NEXN: variants seen among roughly 807,000 people sequenced by gnomAD.
NEXN encodes nexilin F-actin binding protein, also known as nexilin.
A neutral mutation model predicts 92.6 loss-of-function variants in NEXN; 65 were observed. The ratio of observed to expected loss-of-function variants is 0.70; its 90% CI spans 0.57 to 0.86. The LOEUF is 0.86. Ranked by LOEUF, NEXN falls within the 40% of genes least tolerant of loss-of-function variation. The probability of loss-of-function intolerance (pLI) is 0.00; values close to 1 mark genes in which losing one functional copy is unlikely to be tolerated. For synonymous variants in NEXN, 254 were observed against 242.5 expected (o/e 1.05, Z -0.44); for missense variants, 778 against 771.1 (o/e 1.01, Z -0.11).
intron 1 of NEXN, among the ~76,000 whole-genome samples, chr1:77,895,029 A>ATTTTTTTT (rs559226754): frequency 5.7e-4 from 35 of 61,658 alleles, no homozygotes; most frequent in East Asian, 1.1e-3. Flanking sequence ...CTATAGTGTA[A>ATTTTTTTT]TTTTTTTTTT....
At chr1:77,938,478 G>A (rs1214552358) in intron 11 of NEXN, among the ~76,000 whole-genome samples, 2 of 151,380 alleles carry the variant, frequency 1.3e-5, no homozygotes, top group African/African-American at 2.4e-5. Context: ...GTGAAACCCC[G>A]TCTCTACTAA....
rs899549666 is a variant in NEXN at position 77,942,988 on chromosome 1, C to G, written c.*159C>G. 107 of 1,009,492 alleles carry G rather than the reference C, an allele frequency of 1.1e-4. 2 individuals carry two copies. In the South Asian group the frequency reaches 1.3e-3, roughly 13 times the overall value. The allele number at this position is 1,009,492 out of a possible 1,614,324, so 62.5% of individuals were successfully genotyped here. The stretch of plus-strand genomic sequence containing the variant: ...TACATCCATCTTTTCTGTGGCGGGG[C>G]CAAAAAAGGAAACCAGGAGTGCCAC... On this transcript the variant is annotated 3_prime_UTR_variant, in exon 13 of 13. Transcript: ENST00000334785.
chr1:77,904,634 G>A (rs540502099), intron 1 of NEXN, among the ~76,000 whole-genome samples: 38 of 152,270 alleles, frequency 2.5e-4, no homozygotes, highest in Non-Finnish European at 3.7e-4. Context: ...GGAAGGGAGC[G>A]TAGAGTCTAC....
intron 11 of NEXN, among the ~76,000 whole-genome samples, chr1:77,940,242 T>G (rs1483838510): frequency 6.6e-6 from 1 of 152,208 alleles, no homozygotes; most frequent in African/African-American, 2.4e-5. Flanking sequence ...GATTTTCCAA[T>G]AAAGTCTACT....
Position 77,929,500 on chromosome 1 carries a change from A to G in NEXN, c.1049A>G (p.Asn350Ser). ...EKKAFAEARR[N>S]MVVDDDSPEM... ...AAGGCGTTTGCTGAAGCAAGGAGAA[A>G]TATGGTAAGACAGAAGCTAACTGGA... is the stretch of plus-strand genomic sequence containing the variant. The change falls in exon 9 of 13, where the codon AAT becomes AGT. Residue 350 changes from asparagine (N) to serine (S), a missense_variant. By Grantham distance (46) the Asn-to-Ser change is conservative. Around this residue, in one of 3 missense-constraint regions of NEXN, gnomAD observed 532 missense variants for 476.7 expected, o/e 1.12. Coordinates refer to ENST00000334785, the MANE Select transcript of NEXN (RefSeq NM_144573.4). 1 of 1,612,324 alleles carries G rather than the reference A, an allele frequency of 6.2e-7. No homozygotes were observed. The highest frequency in any genetic ancestry group is 8.5e-7 in the Non-Finnish European group (1 of 1,179,848).
intron 5 of NEXN, among the ~76,000 whole-genome samples, chr1:77,920,619 T>TAAAA (rs66533373): frequency 1.5e-5 from 1 of 67,290 alleles, no homozygotes; most frequent in Admixed American, 2.0e-4. Flanking sequence ...CCCTGTCTCT[T>TAAAA]AAAAAAAAAA....
chr1:77,922,844 C>T (rs1483820054), intron 5 of NEXN, among the ~76,000 whole-genome samples: 2 of 152,032 alleles, frequency 1.3e-5, no homozygotes, highest in East Asian at 3.9e-4. Context: ...ATCCGCCCGC[C>T]TCGGCCTCCC....
chr1:77,924,429 A>G (rs879803307), intron 5 of NEXN, among the ~76,000 whole-genome samples: 4 of 152,012 alleles, frequency 2.6e-5, no homozygotes, highest in Admixed American at 2.6e-4. Flanking sequence ...TTTTTGCCCT[A>G]TATTTATGTT....
intron 1 of NEXN, among the ~76,000 whole-genome samples, chr1:77,898,094 T>C (rs1315710694): frequency 6.6e-6 from 1 of 151,654 alleles, no homozygotes; most frequent in Non-Finnish European, 1.5e-5. Flanking sequence ...CCCAAGGTAA[T>C]TTATAGATTC....
intron 1 of NEXN, among the ~76,000 whole-genome samples, chr1:77,894,637 TACCATGTTGCCCAGGCCTC>T (rs1647183393): frequency 6.6e-6 from 1 of 151,766 alleles, no homozygotes; most frequent in African/African-American, 2.4e-5. Context: ...GATGGGGTTT[TACCATGTTGCCCAGGCCTC>T]ACCCTCCTAA....
At chr1:77,899,100 T>G (rs1215357912) in intron 1 of NEXN, among the ~76,000 whole-genome samples, 3 of 152,154 alleles carry the variant, frequency 2.0e-5, no homozygotes, top group Non-Finnish European at 2.9e-5. Context: ...GTCAGTGTGG[T>G]GATTCCTCAG....
intron 1 of NEXN, among the ~76,000 whole-genome samples, chr1:77,910,758 A>AAC (rs1419753356): frequency 7.7e-5 from 9 of 117,274 alleles, no homozygotes; most frequent in African/African-American, 2.8e-4. Context: ...CAAAAAAAAA[A>AAC]AAAAAAAAAA....
At chr1:77,931,322 A>G (rs1443730519) in intron 9 of NEXN, among the ~76,000 whole-genome samples, 3 of 146,360 alleles carry the variant, frequency 2.0e-5, no homozygotes, top group Non-Finnish European at 4.5e-5. Context: ...CTGAGGCAGG[A>G]GAATCGCATG....
chr1:77,933,778 G>C (rs1650506314), intron 10 of NEXN, among the ~76,000 whole-genome samples: 1 of 151,952 alleles, frequency 6.6e-6, no homozygotes, highest in Non-Finnish European at 1.5e-5. Flanking sequence ...ATTATATATA[G>C]ACTATACAGT....
At position 77,942,803 on chromosome 1, in the gene NEXN, A is replaced by G. The variant is rs768404567; in HGVS notation, c.2002A>G (p.Ile668Val). Residue 668 changes from isoleucine to valine, a missense_variant, in exon 13 of 13, where the codon ATT becomes GTT. This residue lies in a region of NEXN where 532 missense variants were observed against 476.7 expected (regional missense o/e 1.12). Coordinates refer to ENST00000334785, the MANE Select transcript of NEXN (RefSeq NM_144573.4). ...TAAAGGATCTGCAGCTAGTACCTGT[A>G]TTCTTACCATTGAAAGTAAGAATTA... ...NNKGSAASTC[I>V]LTIESKN 6.2e-7 allele frequency: 1 copy of G among 1,610,156 alleles called. No homozygotes were observed. The highest frequency in any genetic ancestry group is 1.3e-5 in the African/African-American group (1 of 74,714).
At chr1:77,900,549 C>T (rs1214710017) in intron 1 of NEXN, among the ~76,000 whole-genome samples, 1 of 152,134 alleles carries the variant, frequency 6.6e-6, no homozygotes, top group African/African-American at 2.4e-5. Flanking sequence ...ATTGTAAATA[C>T]AGACCTCATC....
intron 2 of NEXN, among the ~76,000 whole-genome samples, chr1:77,917,008 C>A (rs1649031088): frequency 6.6e-6 from 1 of 152,168 alleles, no homozygotes; most frequent in Non-Finnish European, 1.5e-5. Context: ...ACAGCTTGTG[C>A]ACACAGACCA....
intron 11 of NEXN, chr1:77,941,726 T>C: frequency 4.9e-6 from 2 of 409,166 alleles, no homozygotes; most frequent in Non-Finnish European, 9.1e-6. Flanking sequence ...CTGACCTTTT[T>C]CAGTTAAGTG....
At chr1:77,938,323 G>A (rs1650952154) in intron 11 of NEXN, among the ~76,000 whole-genome samples, 1 of 152,040 alleles carries the variant, frequency 6.6e-6, no homozygotes, top group African/African-American at 2.4e-5. Context: ...TGTTGTTTTG[G>A]GGATATATAT....
Sources: allele counts gnomAD v4.1 joint callset (sites outside exome capture counted in the v4.1 genomes callset), GRCh38; gene constraint gnomAD v4.1.1; regional missense constraint gnomAD v4.1.1; transcripts MANE v1.5; gene names NCBI Gene and HGNC (gene_info 2026-07-23, HGNC 2026-07-21).